The following OOEP variants were observed in gnomAD, a reference collection of about 807,000 sequenced individuals.
OOEP encodes the protein oocyte-expressed protein homolog.
OOEP carries 16 observed loss-of-function variants against 13.7 expected under a neutral mutation model. The observed-to-expected ratio is 1.16, with a 90% CI of 0.79 to 1.77. The LOEUF (loss-of-function observed/expected upper bound fraction) is 1.77, where lower values mean the gene tolerates loss of function less well. Ranked by LOEUF, OOEP falls within the 40% of genes most tolerant of loss-of-function variation. The pLI is 0.00. For missense variants in OOEP, 195 were observed against 193.1 expected, an observed-to-expected ratio of 1.01 and a Z score of -0.06; for synonymous variants, 89 against 77.1, an observed-to-expected ratio of 1.15 and a Z score of -0.81.
intron 2 of OOEP, among the ~76,000 whole-genome samples, chr6:73,381,247 G>C (rs150718683): frequency 9.6e-5 from 14 of 145,262 alleles, no homozygotes; most frequent in African/African-American, 3.6e-4. Flanking sequence ...AAAAGAAGAA[G>C]ATGGAGTAAG....
chr6:73,395,009 TGAATC>T (rs1769434776), exon 1 of OOEP: 2 of 1,614,176 alleles, frequency 1.2e-6, no homozygotes, highest in Non-Finnish European at 1.7e-6. Context: ...GCGGAGGAGT[TGAATC>T]GAACAGGTCC....
chr6:73,395,163 T>G (rs1164431812), upstream of OOEP: 4 of 1,601,090 alleles, frequency 2.5e-6, no homozygotes, highest in Non-Finnish European at 3.4e-6. Context: ...TCGGTGAGAA[T>G]GGGAGTGGCT....
In OOEP at chr6:73,369,358, A is replaced by G. The variant is rs372882858; in HGVS notation, c.218T>C (p.Met73Thr). Residue 73 changes from methionine to threonine, a missense_variant, in exon 2 of 3, where the codon ATG becomes ACG. By Grantham distance (81) the Met-to-Thr change is moderately conservative (BLOSUM62 -1). Coordinates refer to ENST00000370359, the MANE Select transcript of OOEP (RefSeq NM_001080507.3). ...FGPDRAIIPEMEWTSQALLTV... is the reference protein window; with the variant it reads ...FGPDRAIIPETEWTSQALLTV... ...CAGCAGGGCCTGGCTCGTCCACTCC[A>G]TTTCTGGAATTATGGCTCGGTCTGG... The G allele has an allele frequency of 1.9e-5, 31 of 1,612,860 alleles. No individual in the cohort carries two copies. The highest frequency in any genetic ancestry group is 2.7e-5 in the African/African-American group (2 of 74,792).
chr6:73,380,934 G>C lies in OOEP; in HGVS notation c.26-11549C>G, dbSNP rs532381076. ...GAGGTCTAGGCGGGTGAATCACTTG[G>C]GGTTAGGAGTTCGAGACCAGCCTGG... On this transcript the variant is annotated intron_variant, in intron 2 of 3. Transcript: ENST00000370363. Among the ~76,000 whole-genome samples the C allele has an allele frequency of 3.9e-5, 6 of 152,010 alleles. No homozygotes were observed. The East Asian group carries it at 5.8e-4, about 15-fold the overall frequency.
At chr6:73,388,245 T>C (rs2150783199) in intron 2 of OOEP, among the ~76,000 whole-genome samples, 1 of 152,186 alleles carries the variant, frequency 6.6e-6, no homozygotes, top group East Asian at 1.9e-4. Context: ...TCCCCCAAAG[T>C]GAAATGAAAA....
chr6:73,370,088 A>G (rs1769026656), upstream of OOEP: 1 of 412,352 alleles, frequency 2.4e-6, no homozygotes, highest in Admixed American at 4.0e-5. Context: ...CTCGTAAGGT[A>G]TGCTTAGCCT....
At chr6:73,385,538 A>G (rs1244803963) in intron 2 of OOEP, among the ~76,000 whole-genome samples, 1 of 152,138 alleles carries the variant, frequency 6.6e-6, no homozygotes, top group Non-Finnish European at 1.5e-5. Flanking sequence ...CATTTTACAA[A>G]ATCAACACCT....
At chr6:73,383,232 T>C (rs1382249560) in intron 2 of OOEP, among the ~76,000 whole-genome samples, 1 of 152,232 alleles carries the variant, frequency 6.6e-6, no homozygotes, top group Non-Finnish European at 1.5e-5. Flanking sequence ...AAACTGATTC[T>C]AGTTTCTTGA....
At chr6:73,369,937 G>C (rs933730720), upstream of OOEP, 7 of 674,934 alleles carry the variant, frequency 1.0e-5, no homozygotes, top group East Asian at 2.7e-5. Context: ...CGGGGTGAGC[G>C]GGTGCAAGCG....
At chr6:73,387,843 C>T (rs1297824664) in intron 2 of OOEP, 1 of 152,130 alleles carries the variant, frequency 6.6e-6, no homozygotes. Flanking sequence ...CATAAGGGAA[C>T]GATGATAGTT....
chr6:73,374,387 G>A (rs374104834), upstream of OOEP, among the ~76,000 whole-genome samples: 166 of 152,050 alleles, frequency 1.1e-3, no homozygotes, highest in African/African-American at 3.7e-3. Flanking sequence ...CACTTCTGTG[G>A]TACAGAGCCA....
chr6:73,377,420 G>T (rs549464131), intron 2 of OOEP, among the ~76,000 whole-genome samples: 4 of 49,642 alleles, frequency 8.1e-5, no homozygotes, highest in Non-Finnish European at 1.5e-4. Context: ...TAAACAACCT[G>T]CTCATGCATG....
chr6:73,376,645 G>A (rs955955127), intron 2 of OOEP, among the ~76,000 whole-genome samples: 13 of 151,020 alleles, frequency 8.6e-5, no homozygotes, highest in African/African-American at 2.9e-4. Flanking sequence ...GCTGATTTTT[G>A]TGGTTTTTGT....
At chr6:73,374,094 G>A (rs1769101409), upstream of OOEP, among the ~76,000 whole-genome samples, 1 of 151,980 alleles carries the variant, frequency 6.6e-6, no homozygotes, top group Non-Finnish European at 1.5e-5. Context: ...GGGAAGCTGA[G>A]GAAGGATAGC....
intron 2 of OOEP, among the ~76,000 whole-genome samples, chr6:73,389,880 T>A (rs552486835): frequency 6.6e-6 from 1 of 152,364 alleles, no homozygotes; most frequent in African/African-American, 2.4e-5. Context: ...ATATTCGTGT[T>A]ACCTGGAATT....
chr6:73,378,524 G>A (rs1485975542), intron 2 of OOEP, among the ~76,000 whole-genome samples: 3 of 151,956 alleles, frequency 2.0e-5, no homozygotes, highest in Non-Finnish European at 4.4e-5. Flanking sequence ...CTCCAGCCAA[G>A]GTGACAGAAT....
chr6:73,378,644 C>T (rs908229509), intron 2 of OOEP, among the ~76,000 whole-genome samples: 2 of 151,982 alleles, frequency 1.3e-5, no homozygotes, highest in African/African-American at 4.8e-5. Flanking sequence ...AAGTGGATCC[C>T]TTGAGGTCAG....
Position 73,369,234 on chromosome 6 carries a change from T to C in OOEP, c.342A>G (p.Ala114=), listed in dbSNP as rs1279695646. 5 of 1,612,870 alleles carry C rather than the reference T, an allele frequency of 3.1e-6. No homozygotes were observed. Among genetic ancestry groups the C allele is most frequent in the African/African-American group, 1.3e-5 (1 of 74,822 alleles). The change falls in exon 2 of 3, where the codon GCA becomes GCG. Residue 114 remains alanine (A), a synonymous_variant. Coordinates refer to ENST00000370359, the MANE Select transcript of OOEP (RefSeq NM_001080507.3). The part of the protein sequence containing the change: ...NRVKSMLLCL[A]WFHREHRARA... Reference sequence around the variant, plus strand: ...GGGCACGATGTTCTCGGTGAAACCATGCCAGGCACAGGAGCATGCTCTTCA... The same window carrying C: ...GGGCACGATGTTCTCGGTGAAACCACGCCAGGCACAGGAGCATGCTCTTCA...
chr6:73,372,380 C>T (rs902382065), upstream of OOEP, among the ~76,000 whole-genome samples: 1 of 152,166 alleles, frequency 6.6e-6, no homozygotes, highest in Non-Finnish European at 1.5e-5. Flanking sequence ...GTCTCAGATA[C>T]AACTCAGTCT....
Sources: gnomAD v4.1 joint callset for allele counts (sites outside exome capture counted in the v4.1 genomes callset) on GRCh38, gnomAD v4.1.1 for gene constraint, MANE v1.5 for transcripts, NCBI Gene and HGNC (gene_info 2026-07-23, HGNC 2026-07-21) for gene names.